The following SOWAHB variants were observed in gnomAD, a reference collection of about 807,000 sequenced individuals.
SOWAHB encodes the protein ankyrin repeat domain-containing protein SOWAHB.
SOWAHB carries 17 observed loss-of-function variants against 18.3 expected under a neutral mutation model. The ratio of observed to expected loss-of-function variants is 0.93; its 90% CI spans 0.64 to 1.40. The LOEUF (loss-of-function observed/expected upper bound fraction) is 1.40, where lower values mean the gene tolerates loss of function less well. SOWAHB is among the 40% of genes most tolerant of loss of function. The pLI is 0.00. For synonymous variants in SOWAHB, 496 were observed against 448.1 expected (o/e 1.11, Z -1.35); for missense variants, 1,126 against 1,033.7 (o/e 1.09, Z -1.22).
In SOWAHB at chr4:76,897,258, A is replaced by C; in HGVS notation, c.592T>G (p.Trp198Gly). Reference protein sequence around the residue: ...AAAKTQGRCCWECLQNNLAVL... With the variant: ...AAAKTQGRCCGECLQNNLAVL... Reference sequence around the variant, plus strand: ...GCCAGGTTGTTCTGGAGGCATTCCCAGCAGCAGCGGCCCTGCGTCTTCGCC... The same window carrying C: ...GCCAGGTTGTTCTGGAGGCATTCCCCGCAGCAGCGGCCCTGCGTCTTCGCC... The change falls in exon 1 of 1, where the codon TGG becomes GGG. Residue 198 changes from tryptophan to glycine, a missense_variant. Coordinates refer to ENST00000334306, the MANE Select transcript of SOWAHB (RefSeq NM_001029870.3). This position sits in a 1 kb window ranked among gnomAD's most constrained non-coding sequence, Gnocchi z 6.4. The C allele has an allele frequency of 6.4e-7, 1 of 1,567,900 alleles. No homozygotes were observed. Among genetic ancestry groups the C allele is most frequent in the Non-Finnish European group, 8.6e-7 (1 of 1,164,724 alleles).
In SOWAHB at chr4:76,896,992, C is replaced by A; in HGVS notation, c.858G>T (p.Pro286=). ...GCAGGGAGCTGGGGGTCAGCAGCTC[C>A]GGCCGGTCTCCGCGGGGAGCGGGGC... ...LPGPAPRGDR[P]ELLTPSSLHY... Residue 286 remains proline, a synonymous_variant, in exon 1 of 1, where the codon CCG becomes CCT. Transcript: ENST00000334306. 2 of 1,575,146 alleles carry A rather than the reference C, an allele frequency of 1.3e-6. No homozygotes were observed. The highest frequency in any genetic ancestry group is 1.7e-6 in the Non-Finnish European group (2 of 1,165,254).
At position 76,895,874 on chromosome 4, in the gene SOWAHB, A is replaced by G. The variant is rs1719897889; in HGVS notation, c.1976T>C (p.Ile659Thr). ...DLVSGAKKAG[I>T]VLDVNVRSSC... Reference sequence around the variant, plus strand: ...GGACCTCACGTTTACATCAAGGACAATCCCTGCCTTCTTTGCTCCAGACAC... The same window carrying G: ...GGACCTCACGTTTACATCAAGGACAGTCCCTGCCTTCTTTGCTCCAGACAC... Residue 659 changes from isoleucine to threonine, a missense_variant, in exon 1 of 1, where the codon ATT (isoleucine) becomes ACT (threonine). Ile to Thr is a moderately conservative substitution (Grantham distance 89). Transcript: ENST00000334306. The G allele has an allele frequency of 1.2e-6, 2 of 1,614,086 alleles. No homozygotes were observed. The highest frequency in any genetic ancestry group is 2.2e-5 in the East Asian group (1 of 44,888).
rs1453492202 is a variant in SOWAHB, at chr4:76,896,981, G to A, written c.869C>T (p.Thr290Ile). Residue 290 changes from threonine to isoleucine, a missense_variant, in exon 1 of 1, where the codon ACC becomes ATC. Coordinates refer to ENST00000334306, the MANE Select transcript of SOWAHB (RefSeq NM_001029870.3). ...APRGDRPELL[T>I]PSSLHYSTLQ... ...GGTCGAATAATGCAGGGAGCTGGGGGTCAGCAGCTCCGGCCGGTCTCCGCG... is the reference window on the plus strand; with the variant it reads ...GGTCGAATAATGCAGGGAGCTGGGGATCAGCAGCTCCGGCCGGTCTCCGCG... The A allele has an allele frequency of 1.3e-6, 2 of 1,584,902 alleles. No homozygotes were observed. Among genetic ancestry groups the A allele is most frequent in the Non-Finnish European group, 8.6e-7 (1 of 1,168,792 alleles).
Position 76,897,091 on chromosome 4 carries a change from A to T in SOWAHB, c.759T>A (p.Pro253=). ...TGGCGGGAGGCGAGTGAGCCACTGC[A>T]GGCACAGGCGCCGGCTCAGCTAGCG... ...EGALAEPAPV[P]AVAHSPPATV... The change falls in exon 1 of 1, where the codon CCT becomes CCA. Residue 253 remains proline, a synonymous_variant. Transcript: ENST00000334306. The surrounding 1 kb of genome is among the most constrained non-coding windows in gnomAD (Gnocchi z 6.4). 6.5e-7 allele frequency: 1 copy of T among 1,537,536 alleles called. No homozygotes were observed. Among genetic ancestry groups the T allele is most frequent in the Non-Finnish European group, 8.7e-7 (1 of 1,147,702 alleles).
rs13147699 is a variant in SOWAHB at position 76,897,277 on chromosome 4, C to G, written c.573G>C (p.Lys191Asn). 1 of 1,550,818 alleles carries G rather than the reference C, an allele frequency of 6.4e-7. No individual in the cohort carries two copies. The highest frequency in any genetic ancestry group is 8.7e-7 in the Non-Finnish European group (1 of 1,155,226). The change falls in exon 1 of 1, where the codon AAG becomes AAC. Residue 191 changes from lysine (K) to asparagine (N), a missense_variant. By Grantham distance (94) the Lys-to-Asn change is moderately conservative. Coordinates refer to ENST00000334306, the MANE Select transcript of SOWAHB (RefSeq NM_001029870.3). This position sits in a 1 kb window ranked among gnomAD's most constrained non-coding sequence, Gnocchi z 6.4. ...ATTCCCAGCAGCAGCGGCCCTGCGT[C>G]TTCGCCGCCGCGCAGCTCGCTCTCG... is the stretch of plus-strand genomic sequence containing the variant. ...AQARASCAAA[K>N]TQGRCCWECL...
chr4:76,895,272 A>C lies in SOWAHB; in HGVS notation c.*196T>G. The C allele has an allele frequency of 1.8e-6, 1 of 547,936 alleles. No homozygotes were observed. The highest frequency in any genetic ancestry group is 3.6e-5 in the Admixed American group (1 of 27,906). 33.9% of individuals were successfully genotyped at this position (547,936 alleles called of 1,614,324 possible). A position where few individuals can be genotyped will look rare whatever the true frequency, so the allele number is the denominator to read the frequency against. On this transcript the variant is annotated 3_prime_UTR_variant, in exon 1 of 1. Transcript: ENST00000334306. ...GCCTCTTGTCTAGGTTTCTCCAGTC[A>C]AGGAGTTCAGCTTTCAAAAAGCTTG...
At position 76,895,786 on chromosome 4, in the gene SOWAHB, C is replaced by A; in HGVS notation, c.2064G>T (p.Leu688Phe). The A allele has an allele frequency of 6.2e-7, 1 of 1,614,224 alleles. No homozygotes were observed. The highest frequency in any genetic ancestry group is 8.5e-7 in the Non-Finnish European group (1 of 1,180,040). The change falls in exon 1 of 1, where the codon TTG (leucine) becomes TTT (phenylalanine). Residue 688 changes from leucine (L) to phenylalanine (F), a missense_variant. Coordinates refer to ENST00000334306, the MANE Select transcript of SOWAHB (RefSeq NM_001029870.3). Reference protein sequence around the residue: ...AIHGHQGVIKLLVQRLASRVN... With the variant: ...AIHGHQGVIKFLVQRLASRVN... ...CCCGAGAAGCCAACCTTTGCACTAG[C>A]AATTTGATGACCCCCTGGTGGCCGT... is the stretch of plus-strand genomic sequence containing the variant.
rs1299121489 is a variant in SOWAHB at position 76,897,390 on chromosome 4, G to T, written c.460C>A (p.Arg154Ser). The T allele has an allele frequency of 6.5e-7, 1 of 1,527,962 alleles. No individual in the cohort carries two copies. The highest frequency in any genetic ancestry group is 2.0e-5 in the Admixed American group (1 of 50,816). The allele number at this position is 1,527,962 out of a possible 1,614,324, so 94.7% of individuals were successfully genotyped here. A position where few individuals can be genotyped will look rare whatever the true frequency, so the allele number is the denominator to read the frequency against. Reference sequence around the variant, plus strand: ...CCGCCGCCCTTCCCGGGCGCCCTACGGGAGTCGCTGCCCGGGAGTCCATTG... The same window carrying T: ...CCGCCGCCCTTCCCGGGCGCCCTACTGGAGTCGCTGCCCGGGAGTCCATTG... ...ACNGLPGSDS[R>S]RAPGKGGGSK... Residue 154 changes from arginine to serine, a missense_variant, in exon 1 of 1, where the codon CGT becomes AGT. Physicochemically the swap from Arg to Ser is moderately radical, Grantham distance 110. Coordinates refer to ENST00000334306, the MANE Select transcript of SOWAHB (RefSeq NM_001029870.3). The surrounding 1 kb of genome is among the most constrained non-coding windows in gnomAD (Gnocchi z 6.4).
chr4:76,896,681 G>C lies in SOWAHB; in HGVS notation c.1169C>G (p.Ser390Cys). Reference protein sequence around the residue: ...TVFRSIRCQLSLQDLDDFVDQ... With the variant: ...TVFRSIRCQLCLQDLDDFVDQ... ...CACAAAGTCATCCAGATCTTGGAGGGACAGCTGACAACGAATGCTGCGAAA... is the reference window on the plus strand; with the variant it reads ...CACAAAGTCATCCAGATCTTGGAGGCACAGCTGACAACGAATGCTGCGAAA... Residue 390 changes from serine (S) to cysteine (C), a missense_variant, in exon 1 of 1, where the codon TCC becomes TGC. Physicochemically the swap from Ser to Cys is moderately radical, Grantham distance 112 (BLOSUM62 -1). Transcript: ENST00000334306. 1 of 1,614,064 alleles carries C rather than the reference G, an allele frequency of 6.2e-7. No individual in the cohort carries two copies. The highest frequency in any genetic ancestry group is 8.5e-7 in the Non-Finnish European group (1 of 1,180,042).
Position 76,897,383 on chromosome 4 carries a change from GC to G in SOWAHB, c.466del (p.Ala156ArgfsTer91). On this transcript the variant is annotated frameshift_variant, in exon 1 of 1. Coordinates refer to ENST00000334306, the MANE Select transcript of SOWAHB (RefSeq NM_001029870.3). LOFTEE classifies it low-confidence loss of function (END_TRUNC). The surrounding 1 kb of genome is among the most constrained non-coding windows in gnomAD (Gnocchi z 6.4). ...CTTCGATCCGCCGCCCTTCCCGGGC[GC>G]CCTACGGGAGTCGCTGCCCGGGAGT... ...NGLPGSDSRR[A>X]PGKGGGSKGS... is the part of the protein sequence containing the mutation. The G allele has an allele frequency of 6.5e-7, 1 of 1,527,722 alleles. No individual in the cohort carries two copies. The highest frequency in any genetic ancestry group is 8.7e-7 in the Non-Finnish European group (1 of 1,144,116). 94.6% of individuals were successfully genotyped at this position (1,527,722 alleles called of 1,614,324 possible). A position where few individuals can be genotyped will look rare whatever the true frequency, so the allele number is the denominator to read the frequency against.
In SOWAHB at chr4:76,897,396, C is replaced by T. The variant is rs1411282842; in HGVS notation, c.454G>A (p.Asp152Asn). 6 of 1,525,286 alleles carry T rather than the reference C, an allele frequency of 3.9e-6. No homozygotes were observed. In the African/African-American group the frequency reaches 4.3e-5, roughly 11 times the overall value. 94.5% of individuals were successfully genotyped at this position (1,525,286 alleles called of 1,614,324 possible). The change falls in exon 1 of 1, where the codon GAC becomes AAC. Residue 152 changes from aspartate (D) to asparagine (N), a missense_variant. Transcript: ENST00000334306. The surrounding 1 kb of genome is among the most constrained non-coding windows in gnomAD (Gnocchi z 6.4). ...CCCTTCCCGGGCGCCCTACGGGAGT[C>T]GCTGCCCGGGAGTCCATTGCAAGCT... ...DAACNGLPGS[D>N]SRRAPGKGGG... is the part of the protein sequence containing the mutation.
chr4:76,896,730 C>T lies in SOWAHB; in HGVS notation c.1120G>A (p.Ala374Thr). The T allele has an allele frequency of 6.2e-7, 1 of 1,613,898 alleles. No individual in the cohort carries two copies. The highest frequency in any genetic ancestry group is 1.1e-5 in the South Asian group (1 of 91,084). Residue 374 changes from alanine (A) to threonine (T), a missense_variant, in exon 1 of 1, where the codon GCG (alanine) becomes ACG (threonine). Transcript: ENST00000334306. ...VVPDESWESW[A>T]GNPSLTVFRS... is the part of the protein sequence containing the mutation. ...AAGACAGTCAATGAAGGGTTCCCCG[C>T]CCAGGATTCCCAGGACTCATCCGGA...
At position 76,896,107 on chromosome 4, in the gene SOWAHB, G is replaced by T. The variant is rs778706081; in HGVS notation, c.1743C>A (p.His581Gln). The T allele has an allele frequency of 1.9e-6, 3 of 1,580,474 alleles. No individual in the cohort carries two copies. The highest frequency in any genetic ancestry group is 2.6e-6 in the Non-Finnish European group (3 of 1,163,984). The change falls in exon 1 of 1, where the codon CAC becomes CAA. Residue 581 changes from histidine (H) to glutamine (Q), a missense_variant. Coordinates refer to ENST00000334306, the MANE Select transcript of SOWAHB (RefSeq NM_001029870.3). Reference protein sequence around the residue: ...SGEGSAALAPHRTSEHKSSLV... With the variant: ...SGEGSAALAPQRTSEHKSSLV... The stretch of plus-strand genomic sequence containing the variant: ...GGGATGATTTGTGCTCAGAAGTTCT[G>T]TGGGGGGCCAAGGCTGCAGACCCCT...
Position 76,898,044 on chromosome 4 carries a change from C to G in SOWAHB, c.-195G>C. 1 of 588,482 alleles carries G rather than the reference C, an allele frequency of 1.7e-6. No homozygotes were observed. The highest frequency in any genetic ancestry group is 2.0e-5 in the African/African-American group (1 of 50,454). 36.5% of individuals were successfully genotyped at this position (588,482 alleles called of 1,614,324 possible). ...GGCCGTGGGTCCCCTCCGGGTGGCC[C>G]CAAGGCTGAGTCCCCGCGGCAGTCT... is the stretch of plus-strand genomic sequence containing the variant. On this transcript the variant is annotated 5_prime_UTR_variant, in exon 1 of 1. Coordinates refer to ENST00000334306, the MANE Select transcript of SOWAHB (RefSeq NM_001029870.3).
rs1719884885 is a variant in SOWAHB at position 76,895,398 on chromosome 4, A to G, written c.*70T>C. 2 of 1,434,230 alleles carry G rather than the reference A, an allele frequency of 1.4e-6. No individual in the cohort carries two copies. The highest frequency in any genetic ancestry group is 2.3e-5 in the East Asian group (1 of 43,698). 88.8% of individuals were successfully genotyped at this position (1,434,230 alleles called of 1,614,324 possible). On this transcript the variant is annotated 3_prime_UTR_variant, in exon 1 of 1. Transcript: ENST00000334306. ...TTTACCAACTCTCAGCAGCTTTTCT[A>G]TTCCCCCTGAATTCTCTCACTGAGC...
In SOWAHB at chr4:76,896,679, G is replaced by C. The variant is rs756527231; in HGVS notation, c.1171C>G (p.Leu391Val). Residue 391 changes from leucine to valine, a missense_variant, in exon 1 of 1, where the codon CTC (leucine) becomes GTC (valine). Leu to Val is a conservative substitution (Grantham distance 32). Coordinates refer to ENST00000334306, the MANE Select transcript of SOWAHB (RefSeq NM_001029870.3). Reference protein sequence around the residue: ...VFRSIRCQLSLQDLDDFVDQE... With the variant: ...VFRSIRCQLSVQDLDDFVDQE... ...TCCACAAAGTCATCCAGATCTTGGA[G>C]GGACAGCTGACAACGAATGCTGCGA... 2 of 1,613,974 alleles carry C rather than the reference G, an allele frequency of 1.2e-6. No individual in the cohort carries two copies. The highest frequency in any genetic ancestry group is 1.7e-6 in the Non-Finnish European group (2 of 1,180,042).
At position 76,895,458 on chromosome 4, in the gene SOWAHB, G is replaced by A. The variant is rs1578081292; in HGVS notation, c.*10C>T. 1 of 1,574,094 alleles carries A rather than the reference G, an allele frequency of 6.4e-7. No individual in the cohort carries two copies. ...GAGTGCTGCCTGCATGTTGGACAGA[G>A]AGACCCACCTCAGTCACTATACTCT... On this transcript the variant is annotated 3_prime_UTR_variant, in exon 1 of 1. Coordinates refer to ENST00000334306, the MANE Select transcript of SOWAHB (RefSeq NM_001029870.3).
chr4:76,897,709 G>T lies in SOWAHB; in HGVS notation c.141C>A (p.Arg47=). 1 of 1,611,342 alleles carries T rather than the reference G, an allele frequency of 6.2e-7. No individual in the cohort carries two copies. The change falls in exon 1 of 1, where the codon CGC becomes CGA. Residue 47 remains arginine, a synonymous_variant. Coordinates refer to ENST00000334306, the MANE Select transcript of SOWAHB (RefSeq NM_001029870.3). The surrounding 1 kb of genome is among the most constrained non-coding windows in gnomAD (Gnocchi z 6.4). The part of the protein sequence containing the change: ...PDASPSQHQH[R]RELFKGFVNS... ...TGACGAAGCCCTTGAAGAGCTCGCG[G>T]CGGTGCTGGTGCTGGCTGGGGGACG... is the stretch of plus-strand genomic sequence containing the variant.
chr4:76,896,955 G>A lies in SOWAHB; in HGVS notation c.895C>T (p.Leu299=), dbSNP rs79047696. The change falls in exon 1 of 1, where the codon CTG becomes TTG. Residue 299 remains leucine, a synonymous_variant. Coordinates refer to ENST00000334306, the MANE Select transcript of SOWAHB (RefSeq NM_001029870.3). ...LTPSSLHYST[L]QQQQQRTREW... is the part of the protein sequence containing the mutation. ...CGAGTGCGCTGCTGCTGCTGCTGCAGGGTCGAATAATGCAGGGAGCTGGGG... is the reference window on the plus strand; with the variant it reads ...CGAGTGCGCTGCTGCTGCTGCTGCAAGGTCGAATAATGCAGGGAGCTGGGG... 0.015 allele frequency: 24,070 copies of A among 1,590,334 alleles called. 226 individuals carry two copies. The highest frequency in any genetic ancestry group is 0.018 in the Middle Eastern group (108 of 5,998).
Sources: gnomAD v4.1 joint callset for allele counts on GRCh38, gnomAD v4.1.1 for gene constraint, Gnocchi (gnomAD v3.1) non-coding constraint, MANE v1.5 for transcripts, NCBI Gene and HGNC (gene_info 2026-07-23, HGNC 2026-07-21) for gene names.